The following TLK1 variants were observed in gnomAD, a reference collection of about 807,000 sequenced individuals.
The protein encoded by TLK1 is tousled like kinase 1.
A neutral mutation model predicts 105.3 loss-of-function variants in TLK1; 24 were observed. That is an observed-to-expected ratio of 0.23 (90% CI 0.17 to 0.32). The LOEUF (loss-of-function observed/expected upper bound fraction) is 0.32. TLK1 is among the 10% of genes least tolerant of loss of function. TLK1 has a pLI of 1.00. For missense variants in TLK1, 558 were observed against 910.5 expected (o/e 0.61, Z 4.98); for synonymous variants, 321 against 310.4 (o/e 1.03, Z -0.36).
chr2:171,053,028 AG>A (rs1276309845), intron 8 of TLK1, among the ~76,000 whole-genome samples: 1 of 152,212 alleles, frequency 6.6e-6, no homozygotes, highest in African/African-American at 2.4e-5. Flanking sequence ...AGGAGCATCA[AG>A]GGGTAAGAAC....
chr2:171,107,692 G>A (rs1489904862), intron 2 of TLK1, among the ~76,000 whole-genome samples: 6 of 152,140 alleles, frequency 3.9e-5, no homozygotes, highest in Admixed American at 2.0e-4. Context: ...GTGACCATGC[G>A]AAGGAGTTTC....
At chr2:171,136,714 T>C (rs1333032027) in intron 1 of TLK1, among the ~76,000 whole-genome samples, 1 of 152,238 alleles carries the variant, frequency 6.6e-6, no homozygotes, top group Non-Finnish European at 1.5e-5. Context: ...TTTCTTGATC[T>C]ATGAAAAGTC....
At chr2:171,099,370 G>A (rs1022454221) in intron 2 of TLK1, among the ~76,000 whole-genome samples, 1 of 152,138 alleles carries the variant, frequency 6.6e-6, no homozygotes, top group Non-Finnish European at 1.5e-5. Context: ...AGATCTAAAT[G>A]AATGTACCAA....
chr2:171,222,480 A>C (rs996561704), intron 1 of TLK1, among the ~76,000 whole-genome samples: 1 of 152,114 alleles, frequency 6.6e-6, no homozygotes, highest in Non-Finnish European at 1.5e-5. Context: ...AAAGGCGCAC[A>C]TCACCATGCC....
At chr2:171,094,234 T>C (rs561876373) in intron 2 of TLK1, among the ~76,000 whole-genome samples, 12 of 152,276 alleles carry the variant, frequency 7.9e-5, no homozygotes, top group Middle Eastern at 3.4e-3. Context: ...GCAGAAGCAC[T>C]GCTAGAAATG....
chr2:171,224,670 GCTA>G (rs1210012711), intron 1 of TLK1, among the ~76,000 whole-genome samples: 5 of 152,034 alleles, frequency 3.3e-5, no homozygotes, highest in African/African-American at 1.2e-4. Context: ...AAAAATCCCA[GCTA>G]CTTTTTTAAT....
intron 12 of TLK1, among the ~76,000 whole-genome samples, chr2:171,016,233 G>A (rs563473056): frequency 6.6e-5 from 10 of 152,054 alleles, no homozygotes; most frequent in Non-Finnish European, 1.2e-4. Flanking sequence ...CCTCGACCCC[G>A]CAAGCTCAAG....
chr2:171,059,957 A>G lies in TLK1; in HGVS notation c.406+1124T>C. On this transcript the variant is annotated intron_variant, in intron 4 of 20. Transcript: ENST00000431350. The stretch of plus-strand genomic sequence containing the variant: ...GTACGACCCATTTCCCAATAGGCCA[A>G]GGACTGGAAGACCGGGAGGTTGGGG... 1.9e-6 allele frequency: 3 copies of G among 1,602,708 alleles called. No individual in the cohort carries two copies. The South Asian group carries it at 3.3e-5, about 18-fold the overall frequency.
chr2:171,151,641 AT>A (rs1692042569), intron 1 of TLK1, among the ~76,000 whole-genome samples: 1 of 150,392 alleles, frequency 6.6e-6, no homozygotes, highest in Non-Finnish European at 1.5e-5. Flanking sequence ...CGCCCAGCTA[AT>A]TTTTTTGTAT....
intron 8 of TLK1, 98 bp downstream of exon 8, chr2:171,053,663 G>T (rs2162482): frequency 3.1e-6 from 3 of 975,670 alleles, no homozygotes; most frequent in Non-Finnish European, 1.5e-6. Flanking sequence ...GCCTGGCCTA[G>T]CTACAGATTT....
chr2:171,081,947 T>G (rs1575582615), intron 3 of TLK1, among the ~76,000 whole-genome samples: 1 of 151,694 alleles, frequency 6.6e-6, no homozygotes, highest in East Asian at 1.9e-4. Context: ...AGGTCTATAC[T>G]AACCAAGTAG....
intron 10 of TLK1, among the ~76,000 whole-genome samples, chr2:171,046,933 T>C (rs1028722430): frequency 6.6e-6 from 1 of 152,164 alleles, no homozygotes; most frequent in Non-Finnish European, 1.5e-5. Context: ...ATTTTCTAAA[T>C]CTACTTTTGT....
At chr2:171,141,541 C>T (rs960191478) in intron 1 of TLK1, among the ~76,000 whole-genome samples, 1 of 151,910 alleles carries the variant, frequency 6.6e-6, no homozygotes, top group Non-Finnish European at 1.5e-5. Context: ...AACACCCCCA[C>T]TCCAACAAAA....
chr2:170,998,504 C>G (rs535918657), intron 18 of TLK1, among the ~76,000 whole-genome samples: 151 of 152,296 alleles, frequency 9.9e-4, no homozygotes, highest in African/African-American at 3.4e-3. Context: ...CTTCCCTAAT[C>G]ACTCCAATTA....
intron 11 of TLK1, among the ~76,000 whole-genome samples, chr2:171,030,719 A>G (rs1024527909): frequency 2.6e-5 from 4 of 152,164 alleles, no homozygotes; most frequent in African/African-American, 9.6e-5. Context: ...ATGGGCTCAT[A>G]ACTAATTTTT....
chr2:171,075,887 T>C (rs780814061), intron 3 of TLK1, among the ~76,000 whole-genome samples: 18 of 152,154 alleles, frequency 1.2e-4, no homozygotes, highest in Non-Finnish European at 2.5e-4. Context: ...GCCCTGAAGT[T>C]CACGTAGAAA....
chr2:171,120,361 C>T (rs1690605562), intron 1 of TLK1, among the ~76,000 whole-genome samples: 1 of 150,334 alleles, frequency 6.7e-6, no homozygotes, highest in Non-Finnish European at 1.5e-5. Context: ...GAGACGGCAA[C>T]CCACAGAATG....
intron 8 of TLK1, among the ~76,000 whole-genome samples, chr2:171,053,194 G>C (rs192039525): frequency 6.6e-6 from 1 of 152,234 alleles, no homozygotes; most frequent in East Asian, 1.9e-4. Flanking sequence ...AACATGAAAT[G>C]GCTATTTGTG....
intron 1 of TLK1, among the ~76,000 whole-genome samples, chr2:171,146,597 T>C (rs897036355): frequency 6.6e-6 from 1 of 152,192 alleles, no homozygotes; most frequent in African/African-American, 2.4e-5. Context: ...ATGTCTAAGA[T>C]ACAGACGTCA....
Sources: allele counts gnomAD v4.1 joint callset (sites outside exome capture counted in the v4.1 genomes callset), GRCh38; gene constraint gnomAD v4.1.1; transcripts MANE v1.5; gene names NCBI Gene and HGNC (gene_info 2026-07-23, HGNC 2026-07-21).